The following NLGN1 variants were observed in gnomAD, a reference collection of about 807,000 sequenced individuals.
NLGN1 encodes the protein neuroligin 1, also known as neuroligin-1.
In NLGN1, 12 loss-of-function variants were observed where a neutral mutation model predicts 65.5. The observed-to-expected ratio is 0.18, with a 90% CI of 0.12 to 0.30. The LOEUF (loss-of-function observed/expected upper bound fraction) is 0.30, where lower values mean the gene tolerates loss of function less well. Ranked by LOEUF, NLGN1 falls within the 10% of genes least tolerant of loss-of-function variation. The pLI is 1.00. For synonymous variants in NLGN1, 350 were observed against 359.5 expected (o/e 0.97, Z 0.30); for missense variants, 750 against 1,007.1 (o/e 0.74, Z 3.46).
intron 2 of NLGN1, among the ~76,000 whole-genome samples, chr3:173,539,657 G>GTATATATGTACATATATAACATGTA (rs1362050556): frequency 8.0e-6 from 1 of 124,274 alleles, no homozygotes; most frequent in African/African-American, 3.3e-5. Flanking sequence ...TATAACATAT[G>GTATATATGTACATATATAACATGTA]TGTATATATG....
At chr3:173,513,057 G>T (rs1470256907) in intron 2 of NLGN1, among the ~76,000 whole-genome samples, 1 of 152,172 alleles carries the variant, frequency 6.6e-6, no homozygotes, top group Non-Finnish European at 1.5e-5. Flanking sequence ...AGGAAAACTA[G>T]AGGAAGCTGG....
intron 4 of NLGN1, among the ~76,000 whole-genome samples, chr3:174,009,806 G>C (rs1725167967): frequency 6.6e-6 from 1 of 152,158 alleles, no homozygotes; most frequent in African/African-American, 2.4e-5. Flanking sequence ...GGAAACATGG[G>C]AAGCCTTCCT....
chr3:173,676,761 C>G (rs750193214), intron 3 of NLGN1, among the ~76,000 whole-genome samples: 1 of 152,054 alleles, frequency 6.6e-6, no homozygotes, highest in African/African-American at 2.4e-5. Flanking sequence ...CAGCATACCT[C>G]AAACAAAGCA....
intron 1 of NLGN1, among the ~76,000 whole-genome samples, chr3:173,424,463 T>C (rs1400227711): frequency 1.3e-5 from 2 of 152,196 alleles, no homozygotes; most frequent in African/African-American, 4.8e-5. Context: ...CCTTTTAAAC[T>C]AAGTTCTAAT....
rs71162345 is a variant in NLGN1, at chr3:173,412,311, G to GACACACACACAC, written c.-390+13846_-390+13857dup. Among the ~76,000 whole-genome samples, 233 of 147,626 alleles carry GACACACACACAC rather than the reference G, an allele frequency of 1.6e-3. 1 individual carries two copies. The highest frequency in any genetic ancestry group is 9.3e-3 in the East Asian group (46 of 4,968). ...TGCTCAATGCATTCTCTCTCACTCT[G>GACACACACACAC]ACACACACACACACACACACACACA... On this transcript the variant is annotated intron_variant, in intron 1 of 6. Coordinates refer to ENST00000457714, the Ensembl canonical transcript of NLGN1.
At chr3:174,151,628 C>A (rs1724371343) in intron 4 of NLGN1, among the ~76,000 whole-genome samples, 1 of 152,048 alleles carries the variant, frequency 6.6e-6, no homozygotes, top group Non-Finnish European at 1.5e-5. Flanking sequence ...CTTTACATAG[C>A]CTTCTGAAAA....
intron 3 of NLGN1, among the ~76,000 whole-genome samples, chr3:173,651,273 A>G (rs1759132195): frequency 6.6e-6 from 1 of 151,420 alleles, no homozygotes; most frequent in African/African-American, 2.4e-5. Flanking sequence ...ATGGCTGAAT[A>G]GTATCCCATA....
At chr3:174,086,090 A>C (rs1175858301) in intron 4 of NLGN1, among the ~76,000 whole-genome samples, 1 of 151,842 alleles carries the variant, frequency 6.6e-6, no homozygotes, top group Admixed American at 6.6e-5. Context: ...TTCTTTTCTG[A>C]TCATACATAC....
At chr3:173,558,406 C>A (rs1047021710) in intron 2 of NLGN1, among the ~76,000 whole-genome samples, 7 of 152,090 alleles carry the variant, frequency 4.6e-5, no homozygotes, top group Admixed American at 1.3e-4. Flanking sequence ...TTTGCCCCCC[C>A]AACCCCATCC....
At chr3:173,807,908 C>T (rs1393904220) in intron 4 of NLGN1, 76 bp downstream of exon 4, 6 of 1,462,738 alleles carry the variant, frequency 4.1e-6, no homozygotes, top group Non-Finnish European at 4.8e-6. Flanking sequence ...TTGTTTTGTT[C>T]TGCTTTGCTT....
At chr3:174,009,917 T>G (rs749621541) in intron 4 of NLGN1, among the ~76,000 whole-genome samples, 1 of 152,070 alleles carries the variant, frequency 6.6e-6, no homozygotes, top group Non-Finnish European at 1.5e-5. Context: ...CTGCCATGCA[T>G]AGGGGACAGG....
intron 4 of NLGN1, among the ~76,000 whole-genome samples, chr3:173,859,212 T>C (rs1025110995): frequency 8.5e-5 from 13 of 152,280 alleles, no homozygotes; most frequent in Non-Finnish European, 1.8e-4. Flanking sequence ...AGTTTGACAG[T>C]AAAAGAATGA....
chr3:174,163,275 A>G (rs1726904427), intron 4 of NLGN1, among the ~76,000 whole-genome samples: 1 of 152,088 alleles, frequency 6.6e-6, no homozygotes, highest in East Asian at 1.9e-4. Context: ...TTCACTGCCC[A>G]TGGATATTTC....
At chr3:174,237,658 G>A (rs1169356318) in intron 4 of NLGN1, among the ~76,000 whole-genome samples, 1 of 152,154 alleles carries the variant, frequency 6.6e-6, no homozygotes, top group Non-Finnish European at 1.5e-5. Flanking sequence ...ATGAGTTCAA[G>A]TGATTCTCCT....
At chr3:174,073,343 T>C (rs1740295164) in intron 4 of NLGN1, among the ~76,000 whole-genome samples, 1 of 152,198 alleles carries the variant, frequency 6.6e-6, no homozygotes, top group Non-Finnish European at 1.5e-5. Context: ...TTATGCTGCA[T>C]GTATTTCAAT....
rs558359229 is a variant in NLGN1 at position 173,587,327 on chromosome 3, A to G, written c.-320-16952A>G. Reference sequence around the variant, plus strand: ...TGGAGGGGCTGTATCCTTTGTTTCTACAAGCAGTACATACACAAAACTTTC... The same window carrying G: ...TGGAGGGGCTGTATCCTTTGTTTCTGCAAGCAGTACATACACAAAACTTTC... On this transcript the variant is annotated intron_variant, in intron 2 of 6. Coordinates refer to ENST00000457714, the Ensembl canonical transcript of NLGN1. Among the ~76,000 whole-genome samples the G allele has an allele frequency of 7.1e-5, 8 of 112,266 alleles. No individual in the cohort carries two copies. The South Asian group carries it at 2.9e-3, about 41-fold the overall frequency. The allele number at this position is 112,266 out of a possible 152,430, so 73.7% of individuals were successfully genotyped here.
intron 4 of NLGN1, among the ~76,000 whole-genome samples, chr3:174,014,191 A>C (rs1223096497): frequency 6.6e-6 from 1 of 152,220 alleles, no homozygotes; most frequent in Non-Finnish European, 1.5e-5. Context: ...CGTGAAACAT[A>C]TAAAAAGAAA....
In NLGN1 at chr3:173,882,676, G is replaced by A. The variant is rs1292334371; in HGVS notation, c.646+74844G>A. Among the ~76,000 whole-genome samples the A allele has an allele frequency of 2.0e-5, 3 of 152,216 alleles. No individual in the cohort carries two copies. The East Asian group carries it at 5.8e-4, about 29-fold the overall frequency. On this transcript the variant is annotated intron_variant, in intron 4 of 6. Coordinates refer to ENST00000457714, the Ensembl canonical transcript of NLGN1. ...AATTGAAGAGAGTTAAGGGCTTACTGTAGATTAGGCTTTGGCTTAAGGGAA... is the reference window on the plus strand; with the variant it reads ...AATTGAAGAGAGTTAAGGGCTTACTATAGATTAGGCTTTGGCTTAAGGGAA...
rs145307625 is a variant in NLGN1, at chr3:173,927,219, A to G, written c.646+119387A>G. 1.4e-3 allele frequency among the ~76,000 whole-genome samples: 209 copies of G among 152,138 alleles called. 3 individuals carry two copies. Among genetic ancestry groups the G allele is most frequent in the African/African-American group, 4.6e-3 (192 of 41,526 alleles). ...GCTGGGATTACAGGTGCATGTCTCCACGCCTGGCTAATTTTTGTATTTTTA... is the reference window on the plus strand; with the variant it reads ...GCTGGGATTACAGGTGCATGTCTCCGCGCCTGGCTAATTTTTGTATTTTTA... On this transcript the variant is annotated intron_variant, in intron 4 of 6. Coordinates refer to ENST00000457714, the Ensembl canonical transcript of NLGN1.
Sources: allele counts gnomAD v4.1 joint callset (sites outside exome capture counted in the v4.1 genomes callset), GRCh38; gene constraint gnomAD v4.1.1; transcripts MANE v1.5; gene names NCBI Gene and HGNC (gene_info 2026-07-23, HGNC 2026-07-21).